The following ANKRD44 variants were observed in gnomAD, a reference collection of about 807,000 sequenced individuals.
ANKRD44 encodes the protein serine/threonine-protein phosphatase 6 regulatory ankyrin repeat subunit B.
Under a neutral mutation model 116.0 loss-of-function variants are expected in ANKRD44, and 35 were observed. The ratio of observed to expected loss-of-function variants is 0.30; its 90% confidence interval spans 0.23 to 0.40. The LOEUF (loss-of-function observed/expected upper bound fraction) is 0.40, where lower values mean the gene tolerates loss of function less well. ANKRD44 is among the 10% of genes least tolerant of loss of function. The probability of loss-of-function intolerance (pLI) is 1.00; values close to 1 mark genes in which losing one functional copy is unlikely to be tolerated. For missense variants in ANKRD44, 1,014 were observed against 1,242.6 expected, an observed-to-expected ratio of 0.82 and a Z score of 2.77; for synonymous variants, 435 against 461.8, an observed-to-expected ratio of 0.94 and a Z score of 0.74.
At chr2:197,008,234 G>A (rs999860014) in intron 19 of ANKRD44, among the ~76,000 whole-genome samples, 3 of 152,116 alleles carry the variant, frequency 2.0e-5, no homozygotes, top group East Asian at 1.9e-4. Flanking sequence ...TATCAAGGGC[G>A]GGGAGTATGT....
At chr2:197,025,372 T>C (rs1356404680) in intron 16 of ANKRD44, 105 bp from the exon 17 acceptor site, 3 of 762,324 alleles carry the variant, frequency 3.9e-6, no homozygotes, top group East Asian at 5.4e-5. Flanking sequence ...ATGCAATTTA[T>C]CAGTAATATA....
At chr2:197,185,386 A>G (rs981964258) in intron 2 of ANKRD44, among the ~76,000 whole-genome samples, 1 of 152,214 alleles carries the variant, frequency 6.6e-6, no homozygotes, top group Non-Finnish European at 1.5e-5. Context: ...CTTCTGAATA[A>G]AGCATTCAGC....
chr2:197,131,078 T>G (rs2079083566), intron 4 of ANKRD44, among the ~76,000 whole-genome samples: 1 of 152,194 alleles, frequency 6.6e-6, no homozygotes, highest in African/African-American at 2.4e-5. Flanking sequence ...CTTTCTGAGA[T>G]TACATTTCCT....
At chr2:197,175,923 G>T (rs2125560522) in intron 2 of ANKRD44, among the ~76,000 whole-genome samples, 1 of 140,766 alleles carries the variant, frequency 7.1e-6, no homozygotes, top group East Asian at 1.9e-4. Context: ...TAGGAACCCT[G>T]ATTTTTAGGT....
chr2:196,972,198 T>C (rs559639610), intron 21 of ANKRD44, among the ~76,000 whole-genome samples: 2 of 152,160 alleles, frequency 1.3e-5, no homozygotes, highest in East Asian at 3.9e-4. Context: ...AGAAGGGCAA[T>C]AATTTTATTT....
intron 16 of ANKRD44, among the ~76,000 whole-genome samples, chr2:197,038,514 A>G (rs1388651440): frequency 2.0e-5 from 3 of 152,212 alleles, no homozygotes; most frequent in Non-Finnish European, 4.4e-5. Flanking sequence ...ATCACTTATC[A>G]TGAGGTGACC....
At chr2:197,058,009 C>A (rs1367141703) in intron 16 of ANKRD44, among the ~76,000 whole-genome samples, 1 of 152,126 alleles carries the variant, frequency 6.6e-6, no homozygotes, top group African/African-American at 2.4e-5. Flanking sequence ...TTATTTCCTG[C>A]ATTTCTGCCA....
At chr2:197,238,631 C>T (rs1380257564) in intron 1 of ANKRD44, among the ~76,000 whole-genome samples, 1 of 151,936 alleles carries the variant, frequency 6.6e-6, no homozygotes, top group African/African-American at 2.4e-5. Context: ...TCGTTGTAAA[C>T]AAGGTCTATA....
At chr2:196,990,056 G>A (rs2075890730) in intron 27 of ANKRD44, 5 of 1,006,652 alleles carry the variant, frequency 5.0e-6, no homozygotes, top group Admixed American at 5.7e-5. Context: ...AAAAAAGCAA[G>A]TTCAATTTTT....
intron 9 of ANKRD44, among the ~76,000 whole-genome samples, chr2:197,110,111 G>C (rs1455057423): frequency 6.6e-6 from 1 of 151,960 alleles, no homozygotes; most frequent in East Asian, 1.9e-4. Flanking sequence ...TGAGTAGCTG[G>C]GATTATAGGC....
intron 21 of ANKRD44, among the ~76,000 whole-genome samples, chr2:196,970,190 ATTC>A (rs1424630630): frequency 6.6e-6 from 1 of 152,204 alleles, no homozygotes; most frequent in African/African-American, 2.4e-5. Context: ...TCTGGAAGAA[ATTC>A]TTCTTATGAT....
intron 2 of ANKRD44, among the ~76,000 whole-genome samples, chr2:197,148,447 T>C (rs1211674309): frequency 6.6e-6 from 1 of 152,208 alleles, no homozygotes; most frequent in Non-Finnish European, 1.5e-5. Context: ...CTAGCATGTA[T>C]GTTAGTTTCA....
At chr2:197,250,971 C>T (rs1404465033) in intron 1 of ANKRD44, 1 of 152,220 alleles carries the variant, frequency 6.6e-6, no homozygotes, top group Non-Finnish European at 1.5e-5. Flanking sequence ...CATCTCTCTT[C>T]ACCCATCTTC....
chr2:197,150,740 C>T (rs1276150339), intron 2 of ANKRD44, among the ~76,000 whole-genome samples: 1 of 151,922 alleles, frequency 6.6e-6, no homozygotes, highest in Admixed American at 6.6e-5. Context: ...GAACCAAAGC[C>T]GCAGGCACAT....
At chr2:197,052,354 G>T (rs73049676) in intron 16 of ANKRD44, among the ~76,000 whole-genome samples, 2,186 of 152,156 alleles carry the variant, frequency 0.014, 20 homozygotes, top group African/African-American at 0.021. Context: ...GGAAGTGTTG[G>T]GCTTGGAGGA....
At chr2:197,002,118 T>G (rs548656716) in intron 21 of ANKRD44, among the ~76,000 whole-genome samples, 1 of 152,326 alleles carries the variant, frequency 6.6e-6, no homozygotes, top group Admixed American at 6.5e-5. Context: ...ATATTCTGTT[T>G]TATTCTCAGC....
At chr2:196,980,292 A>T (rs745846725) in intron 21 of ANKRD44, among the ~76,000 whole-genome samples, 1 of 152,224 alleles carries the variant, frequency 6.6e-6, no homozygotes, top group Non-Finnish European at 1.5e-5. Flanking sequence ...TCAATAAATT[A>T]CCAGGTAACA....
At position 197,159,636 on chromosome 2, in the gene ANKRD44, G is replaced by A. The variant is rs148907707; in HGVS notation, c.112-12531C>T. 1.5e-3 allele frequency among the ~76,000 whole-genome samples: 222 copies of A among 152,256 alleles called. 1 individual carries two copies. Among genetic ancestry groups the A allele is most frequent in the African/African-American group, 4.9e-3 (204 of 41,550 alleles). On this transcript the variant is annotated intron_variant, in intron 2 of 27. Transcript: ENST00000282272. ...TATGTGAGTGTGTTTCTTTGAAAAC[G>A]ACAAAACATTACATTTATGATTAAA... is the stretch of plus-strand genomic sequence containing the variant.
rs535993575 is a variant in ANKRD44 at position 197,218,346 on chromosome 2, G to C, written c.28-31240C>G. On this transcript the variant is annotated intron_variant, in intron 1 of 27. Coordinates refer to ENST00000282272, the MANE Select transcript of ANKRD44 (RefSeq NM_001195144.2). ...CTCACCTACACCCCTCCATTCTCCA[G>C]GGATGTCTGAAATACCAGTGGGACT... Among the ~76,000 whole-genome samples the C allele has an allele frequency of 1.3e-5, 2 of 152,254 alleles. 1 individual carries two copies. Among genetic ancestry groups the C allele is most frequent in the Admixed American group, 1.3e-4 (2 of 15,284 alleles).
Sources: gnomAD v4.1 joint callset for allele counts (sites outside exome capture counted in the v4.1 genomes callset) on GRCh38, gnomAD v4.1.1 for gene constraint, MANE v1.5 for transcripts, NCBI Gene and HGNC (gene_info 2026-07-23, HGNC 2026-07-21) for gene names.